Variants in HBP1 observed in about 807,000 individuals in gnomAD.
HBP1 encodes HMG box-containing protein 1.
A neutral mutation model predicts 62.6 loss-of-function variants in HBP1; 20 were observed. The observed-to-expected ratio is 0.32, with a 90% confidence interval of 0.22 to 0.46. The LOEUF (loss-of-function observed/expected upper bound fraction) is 0.46, where lower values mean the gene tolerates loss of function less well. HBP1 is among the 20% of genes least tolerant of loss of function. The pLI is 1.00. For missense variants in HBP1, 480 were observed against 611.8 expected, an observed-to-expected ratio of 0.78 and a Z score of 2.27; for synonymous variants, 232 against 206.2, an observed-to-expected ratio of 1.12 and a Z score of -1.07.
At position 107,189,055 on chromosome 7, in the gene HBP1, TTAA is replaced by T. The variant is rs3216946; in HGVS notation, c.766-233_766-231del. Among the ~76,000 whole-genome samples, 322 of 152,360 alleles carry T rather than the reference TTAA, an allele frequency of 2.1e-3. 8 individuals carry two copies. The East Asian group carries it at 0.049, about 23-fold the overall frequency. ...ATCCTCCTTAATCTCTCTTTTGGTA[TTAA>T]TAACTCTTTATTAAACTGCATCACC... is the stretch of plus-strand genomic sequence containing the variant. On this transcript the variant is annotated intron_variant, in intron 6 of 10. Transcript: ENST00000222574.
At chr7:107,172,351 G>GT (rs2115771726) in intron 1 of HBP1, among the ~76,000 whole-genome samples, 1 of 152,060 alleles carries the variant, frequency 6.6e-6, no homozygotes, top group South Asian at 2.1e-4. Context: ...TCACTTTCTA[G>GT]TTTCATCTTA....
At chr7:107,194,769 G>A (rs1250747870) in intron 8 of HBP1, among the ~76,000 whole-genome samples, 4 of 151,736 alleles carry the variant, frequency 2.6e-5, no homozygotes, top group Non-Finnish European at 5.9e-5. Flanking sequence ...TGAATAAAAG[G>A]TTTCCTGCCA....
rs1002628659 is a variant in HBP1 at position 107,181,755 on chromosome 7, A to G, written c.170-618A>G. On this transcript the variant is annotated intron_variant, in intron 2 of 10. Coordinates refer to ENST00000222574, the MANE Select transcript of HBP1 (RefSeq NM_012257.4). ...GATTTTTTAAAAGAATATATATATA[A>G]TTTTTTTTAAGAATTCAGTATTTTG... 4.0e-5 allele frequency among the ~76,000 whole-genome samples: 6 copies of G among 151,244 alleles called. No individual in the cohort carries two copies. The South Asian group carries it at 6.2e-4, about 16-fold the overall frequency.
At chr7:107,186,723 A>C in intron 6 of HBP1, 42 bp downstream of exon 6, 3 of 1,083,560 alleles carry the variant, frequency 2.8e-6, no homozygotes, top group Non-Finnish European at 4.2e-6. Flanking sequence ...AATCTTTCCA[A>C]ATGAAACAAG....
intron 1 of HBP1, among the ~76,000 whole-genome samples, chr7:107,171,073 A>ATATATATATATATATTTTTTTTT: frequency 1.1e-5 from 1 of 87,200 alleles, no homozygotes; most frequent in African/African-American, 6.6e-5. Context: ...ATATATATAT[A>ATATATATATATATATTTTTTTTT]TTTTTTTTTT....
intron 5 of HBP1, 23 bp downstream of exon 5, chr7:107,186,495 A>C: frequency 6.3e-7 from 1 of 1,584,918 alleles, no homozygotes; most frequent in Non-Finnish European, 8.7e-7. Context: ...AACAAACAAA[A>C]ACCTTGAATT....
At position 107,171,878 on chromosome 7, in the gene HBP1, AG is replaced by A. The variant is rs373600606; in HGVS notation, c.-16+2694del. ...TCCTCTCCAAAAAAAAAAAAAAAAA[AG>A]AGTCAATGCCAGGAATTTTATGTCT... On this transcript the variant is annotated intron_variant, in intron 1 of 10. Transcript: ENST00000222574. 8.1e-4 allele frequency among the ~76,000 whole-genome samples: 122 copies of A among 151,322 alleles called. 1 individual carries two copies. The highest frequency in any genetic ancestry group is 2.9e-3 in the African/African-American group (119 of 41,190).
At chr7:107,173,504 G>C (rs1271472999) in intron 1 of HBP1, 1 of 152,140 alleles carries the variant, frequency 6.6e-6, no homozygotes, top group East Asian at 1.9e-4. Context: ...TCATAGTCCT[G>C]TTTTCCTCAT....
At position 107,186,555 on chromosome 7, in the gene HBP1, T is replaced by A. The variant is rs778853249; in HGVS notation, c.653-14T>A. The A allele has an allele frequency of 6.3e-7, 1 of 1,591,184 alleles. No individual in the cohort carries two copies. Among genetic ancestry groups the A allele is most frequent in the South Asian group, 1.1e-5 (1 of 89,908 alleles). The stretch of plus-strand genomic sequence containing the variant: ...AGTCACGTGTCTAATACGTGTTTTC[T>A]ACCTAAACCTTAGGCACACGACTGT... On this transcript the variant is annotated splice_polypyrimidine_tract_variant and intron_variant, in intron 5 of 10. Transcript: ENST00000222574.
chr7:107,170,946 T>TATACATGTATATATATAAAATATATAAC (rs1457964025), intron 1 of HBP1, among the ~76,000 whole-genome samples: 44 of 144,230 alleles, frequency 3.1e-4, no homozygotes, highest in African/African-American at 5.1e-4. Context: ...ATATATAACA[T>TATACATGTATATATATAAAATATATAAC]ATACATGTAT....
chr7:107,193,786 T>C (rs999306303), intron 8 of HBP1, among the ~76,000 whole-genome samples: 42 of 152,212 alleles, frequency 2.8e-4, no homozygotes, highest in African/African-American at 9.9e-4. Flanking sequence ...GAGCTCGATC[T>C]GGACTGCCTG....
At chr7:107,193,235 CTATATA>C (rs1186567220) in intron 8 of HBP1, 3 of 151,980 alleles carry the variant, frequency 2.0e-5, no homozygotes, top group African/African-American at 7.3e-5. Context: ...TGAGTGCCTA[CTATATA>C]TATAATGTTA....
At chr7:107,201,102 T>C (rs921492737) in intron 10 of HBP1, 7 of 243,684 alleles carry the variant, frequency 2.9e-5, no homozygotes, top group Non-Finnish European at 4.7e-5. Flanking sequence ...TCTTTAAAAA[T>C]AGTGGTCAGT....
At chr7:107,170,543 G>T (rs1796503900) in intron 1 of HBP1, among the ~76,000 whole-genome samples, 2 of 151,802 alleles carry the variant, frequency 1.3e-5, no homozygotes, top group Admixed American at 6.6e-5. Context: ...AAAATTTCAA[G>T]GAAATTTGAA....
At chr7:107,169,666 T>C in intron 1 of HBP1, 1 of 860,268 alleles carries the variant, frequency 1.2e-6, no homozygotes, top group Non-Finnish European at 1.4e-6. Flanking sequence ...AGGGGGATTC[T>C]GGCTGAGCTG....
chr7:107,185,017 G>C (rs566497087), intron 3 of HBP1, among the ~76,000 whole-genome samples: 1 of 152,192 alleles, frequency 6.6e-6, no homozygotes, highest in South Asian at 2.1e-4. Context: ...ATCCTCTATA[G>C]GCTTGTTTCT....
intron 9 of HBP1, among the ~76,000 whole-genome samples, chr7:107,198,212 C>CT (rs549300447): frequency 3.0e-3 from 430 of 144,642 alleles, no homozygotes; most frequent in African/African-American, 4.9e-3. Flanking sequence ...GCTCAAAAAT[C>CT]TTTTTTTTTT....
chr7:107,171,231 A>G (rs2115759401), intron 1 of HBP1, among the ~76,000 whole-genome samples: 1 of 150,776 alleles, frequency 6.6e-6, no homozygotes, highest in African/African-American at 2.4e-5. Flanking sequence ...CACCACTCTC[A>G]ACTAATTTTT....
intron 3 of HBP1, among the ~76,000 whole-genome samples, chr7:107,183,084 T>A (rs576406317): frequency 6.6e-6 from 1 of 152,328 alleles, no homozygotes; most frequent in East Asian, 1.9e-4. Context: ...TGGGTTCCCA[T>A]TGGTAAAAAT....
Sources: gnomAD v4.1 joint callset for allele counts (sites outside exome capture counted in the v4.1 genomes callset) on GRCh38, gnomAD v4.1.1 for gene constraint, MANE v1.5 for transcripts, NCBI Gene and HGNC (gene_info 2026-07-23, HGNC 2026-07-21) for gene names.